Variants in PPP3CA observed in about 807,000 individuals in gnomAD.
PPP3CA encodes the protein CAM-PRP catalytic subunit.
Under a neutral mutation model 66.5 loss-of-function variants are expected in PPP3CA, and 14 were observed. The ratio of observed to expected loss-of-function variants is 0.21; its 90% CI spans 0.14 to 0.33. The LOEUF is 0.33. Among genes scored for constraint, PPP3CA ranks in the 10% least tolerant of loss-of-function variants. The probability of loss-of-function intolerance (pLI) is 1.00; values close to 1 mark genes in which losing one functional copy is unlikely to be tolerated. For synonymous variants in PPP3CA, 232 were observed against 226.2 expected, an observed-to-expected ratio of 1.03 and a Z score of -0.23; for missense variants, 317 against 639.5, an observed-to-expected ratio of 0.50 and a Z score of 5.44.
At chr4:101,341,517 T>C (rs1729817028) in intron 1 of PPP3CA, among the ~76,000 whole-genome samples, 1 of 152,170 alleles carries the variant, frequency 6.6e-6, no homozygotes, top group African/African-American at 2.4e-5. Context: ...GACCAGAAAA[T>C]ACATAACACG....
intron 2 of PPP3CA, among the ~76,000 whole-genome samples, chr4:101,172,126 T>C (rs776430289): frequency 1.4e-4 from 21 of 152,174 alleles, no homozygotes; most frequent in Non-Finnish European, 2.5e-4. Context: ...AGAGTACCGC[T>C]TGACTCTCTC....
chr4:101,116,817 T>A (rs2110269646), intron 2 of PPP3CA, among the ~76,000 whole-genome samples: 1 of 152,014 alleles, frequency 6.6e-6, no homozygotes, highest in East Asian at 1.9e-4. Context: ...TTTCAAAGGA[T>A]AAATATGTTT....
intron 1 of PPP3CA, among the ~76,000 whole-genome samples, chr4:101,295,307 C>CAAAA (rs527366396): frequency 0.026 from 946 of 36,128 alleles, no homozygotes; most frequent in Non-Finnish European, 0.04. Context: ...GACTCCGTCT[C>CAAAA]AAAAAAAAAA....
chr4:101,078,584 C>A (rs1729290302), intron 8 of PPP3CA, among the ~76,000 whole-genome samples: 1 of 152,144 alleles, frequency 6.6e-6, no homozygotes, highest in South Asian at 2.1e-4. Context: ...AAATGTCTTA[C>A]TTTGTCAACT....
chr4:101,139,710 TTTTTTTTG>T, intron 2 of PPP3CA, among the ~76,000 whole-genome samples: 1 of 149,798 alleles, frequency 6.7e-6, no homozygotes, highest in African/African-American at 2.5e-5. Flanking sequence ...TTTTTTTTTT[TTTTTTTTG>T]TCGTTGTTGC....
intron 1 of PPP3CA, among the ~76,000 whole-genome samples, chr4:101,335,119 T>A: frequency 6.6e-6 from 1 of 152,136 alleles, no homozygotes; most frequent in East Asian, 1.9e-4. Context: ...CTTCTTTAGG[T>A]TATCAGTAGC....
In PPP3CA at chr4:101,116,081, TAAAGACC is replaced by T. The variant is rs559584030; in HGVS notation, c.260-7010_260-7004del. Among the ~76,000 whole-genome samples, 840 of 152,162 alleles carry T rather than the reference TAAAGACC, an allele frequency of 5.5e-3. 3 individuals are homozygous for T. The highest frequency in any genetic ancestry group is 0.013 in the African/African-American group (526 of 41,550). ...TCTTGACTCATTATTTATTTTTCTA[TAAAGACC>T]TTTTAGTTTCTCCAAAATACTGGCT... On this transcript the variant is annotated intron_variant, in intron 2 of 13. Transcript: ENST00000394854.
intron 6 of PPP3CA, among the ~76,000 whole-genome samples, chr4:101,089,105 T>C (rs1435041877): frequency 6.6e-6 from 1 of 152,040 alleles, no homozygotes; most frequent in East Asian, 1.9e-4. Context: ...CATACAGGAA[T>C]TGAGCTCAGG....
At chr4:101,236,541 T>A (rs559178844) in intron 1 of PPP3CA, among the ~76,000 whole-genome samples, 101 of 152,052 alleles carry the variant, frequency 6.6e-4, no homozygotes, top group Non-Finnish European at 1.3e-3. Context: ...TCTCTCTCTA[T>A]GCTGTGTGGA....
intron 1 of PPP3CA, among the ~76,000 whole-genome samples, chr4:101,312,975 G>C (rs1728774064): frequency 6.6e-6 from 1 of 152,080 alleles, no homozygotes; most frequent in African/African-American, 2.4e-5. Context: ...TTACTGAGAA[G>C]AGCATTCTAA....
At chr4:101,278,122 T>TAAAAAAAAAAAAA (rs3077992) in intron 1 of PPP3CA, among the ~76,000 whole-genome samples, 17 of 112,156 alleles carry the variant, frequency 1.5e-4, no homozygotes, top group African/African-American at 4.9e-4. Flanking sequence ...AAGCTATTAG[T>TAAAAAAAAAAAAA]AAAAAAAAAA....
At chr4:101,290,561 T>G (rs539179379) in intron 1 of PPP3CA, among the ~76,000 whole-genome samples, 1 of 152,306 alleles carries the variant, frequency 6.6e-6, no homozygotes, top group East Asian at 1.9e-4. Context: ...TTAGAGTCCC[T>G]ACATATGCTG....
chr4:101,060,981 GTTTTA>G, intron 10 of PPP3CA, 101 bp downstream of exon 10: 1 of 958,430 alleles, frequency 1.0e-6, no homozygotes, highest in African/African-American at 1.7e-5. Context: ...ATAATGTTAC[GTTTTA>G]AACATAATCC....
At chr4:101,220,148 T>G (rs1164946766) in intron 1 of PPP3CA, among the ~76,000 whole-genome samples, 1 of 151,784 alleles carries the variant, frequency 6.6e-6, no homozygotes, top group Non-Finnish European at 1.5e-5. Context: ...CATACGAATA[T>G]TTTCATATAA....
At chr4:101,077,254 C>T (rs1264853717) in intron 8 of PPP3CA, among the ~76,000 whole-genome samples, 1 of 152,174 alleles carries the variant, frequency 6.6e-6, no homozygotes, top group Admixed American at 6.5e-5. Flanking sequence ...AAGAATAAAC[C>T]TATTTTTCTC....
chr4:101,074,279 C>T (rs113348101), intron 8 of PPP3CA, among the ~76,000 whole-genome samples: 6 of 152,098 alleles, frequency 3.9e-5, no homozygotes, highest in Non-Finnish European at 2.9e-5. Flanking sequence ...ACTTTCCTTT[C>T]GGAGACCCCT....
At chr4:101,171,349 T>TAAAA in intron 2 of PPP3CA, 4 of 125,334 alleles carry the variant, frequency 3.2e-5, no homozygotes, top group East Asian at 1.9e-4. Flanking sequence ...AACAATTCTT[T>TAAAA]CAAAAAAAAA....
intron 8 of PPP3CA, among the ~76,000 whole-genome samples, chr4:101,063,834 A>AT (rs1728573038): frequency 6.6e-6 from 1 of 151,946 alleles, no homozygotes; most frequent in African/African-American, 2.4e-5. Flanking sequence ...TTTTTACTTT[A>AT]TTTTTTAAAT....
chr4:101,105,447 A>G (rs1578450740), intron 3 of PPP3CA, among the ~76,000 whole-genome samples: 1 of 151,698 alleles, frequency 6.6e-6, no homozygotes, highest in Admixed American at 6.6e-5. Context: ...TTACAGGTTG[A>G]GCCACCACAC....
Sources: allele counts gnomAD v4.1 joint callset (sites outside exome capture counted in the v4.1 genomes callset), GRCh38; gene constraint gnomAD v4.1.1; transcripts MANE v1.5; gene names NCBI Gene and HGNC (gene_info 2026-07-23, HGNC 2026-07-21).